Variants in TAB3 observed in about 807,000 individuals in gnomAD.
TAB3 encodes TGF-beta activated kinase 1 (MAP3K7) binding protein 3.
Under a neutral mutation model 48.1 loss-of-function variants are expected in TAB3, and 18 were observed. The ratio of observed to expected loss-of-function variants is 0.37; its 90% CI spans 0.26 to 0.55. The LOEUF (loss-of-function observed/expected upper bound fraction) is 0.55, where lower values mean the gene tolerates loss of function less well. TAB3 is among the 20% of genes least tolerant of loss of function. The pLI, the probability that TAB3 is intolerant of heterozygous loss-of-function variation, is 0.78. For synonymous variants in TAB3, 185 were observed against 190.2 expected (o/e 0.97, Z 0.22); for missense variants, 414 against 549.8 (o/e 0.75, Z 2.47).
intron 1 of TAB3, among the ~76,000 whole-genome samples, chrX:30,885,105 T>A (rs1342318625): frequency 8.9e-6 from 1 of 112,547 alleles, no homozygotes; most frequent in Non-Finnish European, 1.9e-5. Flanking sequence ...ACAAGAGCCA[T>A]CTGATCCACA....
In TAB3 at chrX:30,854,226, G is replaced by A; in HGVS notation, c.1439C>T (p.Pro480Leu). The change falls in exon 6 of 11, where the codon CCA (proline) becomes CTA (leucine). Residue 480 changes from proline to leucine, a missense_variant. By Grantham distance (98) the Pro-to-Leu change is moderately conservative. Transcript: ENST00000288422. Reference protein sequence around the residue: ...LVDQEERSAAPEPIQPISVIP... With the variant: ...LVDQEERSAALEPIQPISVIP... Reference sequence around the variant, plus strand: ...CACTGAAATGGGCTGAATAGGTTCTGGTGCTGCAGAGCGCTCTTCTTGGTC... The same window carrying A: ...CACTGAAATGGGCTGAATAGGTTCTAGTGCTGCAGAGCGCTCTTCTTGGTC... 8.3e-7 allele frequency: 1 copy of A among 1,211,614 alleles called. No individual in the cohort carries two copies. The highest frequency in any genetic ancestry group is 1.1e-6 in the Non-Finnish European group (1 of 895,505).
chrX:30,852,648 T>TA (rs1160587942), intron 7 of TAB3, 130 bp downstream of exon 7: 17 of 723,024 alleles, frequency 2.4e-5, no homozygotes, highest in Middle Eastern at 9.8e-4. Context: ...CTGTTGTTTT[T>TA]AAAAAAAGCA....
chrX:30,866,829 G>A (rs1421731746), intron 4 of TAB3, among the ~76,000 whole-genome samples: 1 of 101,429 alleles, frequency 9.9e-6, no homozygotes, highest in East Asian at 3.1e-4. Context: ...AATGCACATG[G>A]TGACTGCTTT....
intron 9 of TAB3, among the ~76,000 whole-genome samples, chrX:30,841,164 T>TA (rs1938425631): frequency 1.8e-5 from 2 of 112,207 alleles, no homozygotes; most frequent in Admixed American, 1.9e-4. Context: ...GTGCGGTAGC[T>TA]CATGCCTGTA....
At chrX:30,846,061 G>A (rs1380343352) in intron 8 of TAB3, 1 of 1,001,856 alleles carries the variant, frequency 1.0e-6, no homozygotes, top group Non-Finnish European at 1.3e-6. Context: ...AGCTTCTGCT[G>A]TAGTATACTT....
At position 30,829,695 on chromosome X, in the gene TAB3, T is replaced by G. The variant is rs928859248; in HGVS notation, c.*1732A>C. Reference sequence around the variant, plus strand: ...TATATTTTGGGGAGTTTTTCACATATGAAAAAATGTTTTCAAAGCTGTAGG... The same window carrying G: ...TATATTTTGGGGAGTTTTTCACATAGGAAAAAATGTTTTCAAAGCTGTAGG... On this transcript the variant is annotated 3_prime_UTR_variant, in exon 11 of 11. Coordinates refer to ENST00000288422, the MANE Select transcript of TAB3 (RefSeq NM_152787.5). 1 of 111,351 alleles carries G rather than the reference T, an allele frequency of 9.0e-6. No individual in the cohort carries two copies. The highest frequency in any genetic ancestry group is 1.9e-5 in the Non-Finnish European group (1 of 53,043). 9.2% of individuals were successfully genotyped at this position (111,351 alleles called of 1,213,427 possible).
chrX:30,831,196 G>A lies in TAB3; in HGVS notation c.*231C>T. On this transcript the variant is annotated 3_prime_UTR_variant, in exon 11 of 11. Transcript: ENST00000288422. ...CTTTCACAGAGTGAATCCTTTCCCA[G>A]TTTCAAGTATCCCTTTCTATCTCTC... 1 of 324,153 alleles carries A rather than the reference G, an allele frequency of 3.1e-6. No individual in the cohort carries two copies. Among genetic ancestry groups the A allele is most frequent in the Non-Finnish European group, 5.3e-6 (1 of 187,538 alleles). The allele number at this position is 324,153 out of a possible 1,213,427, so 26.7% of individuals were successfully genotyped here. A position where few individuals can be genotyped will look rare whatever the true frequency, so the allele number is the denominator to read the frequency against.
At chrX:30,846,960 T>C (rs1008855204) in intron 7 of TAB3, among the ~76,000 whole-genome samples, 2 of 111,514 alleles carry the variant, frequency 1.8e-5, no homozygotes, top group East Asian at 5.6e-4. Flanking sequence ...GTCTATGTTT[T>C]CATGGTAAGG....
At chrX:30,871,893 G>C (rs1309053297) in intron 1 of TAB3, 92 bp from the exon 2 acceptor site, 2 of 111,978 alleles carry the variant, frequency 1.8e-5, no homozygotes, top group Admixed American at 1.9e-4. Context: ...TGAATAAAAG[G>C]TCATGAAAAA....
intron 2 of TAB3, among the ~76,000 whole-genome samples, chrX:30,871,430 A>G (rs1023799091): frequency 1.3e-4 from 15 of 111,518 alleles, no homozygotes; most frequent in African/African-American, 4.6e-4. Context: ...TTACCCTTCT[A>G]TTTTCTGGTG....
rs535079306 is a variant in TAB3 at position 30,849,148 on chromosome X, C to T, written c.1711-2504G>A. On this transcript the variant is annotated intron_variant, in intron 7 of 10. Transcript: ENST00000288422. ...TCTGATTTACTGCCTTATATTTTCTCTCTCACACAAATACATATAGACTCA... is the reference window on the plus strand; with the variant it reads ...TCTGATTTACTGCCTTATATTTTCTTTCTCACACAAATACATATAGACTCA... Among the ~76,000 whole-genome samples the T allele has an allele frequency of 1.2e-4, 14 of 112,036 alleles. No individual in the cohort carries two copies. In the South Asian group the frequency reaches 4.1e-3, roughly 33 times the overall value.
In TAB3 at chrX:30,843,038, G is replaced by A; in HGVS notation, c.1816C>T (p.Pro606Ser). 1 of 1,149,236 alleles carries A rather than the reference G, an allele frequency of 8.7e-7. No individual in the cohort carries two copies. Among genetic ancestry groups the A allele is most frequent in the East Asian group, 3.1e-5 (1 of 32,511 alleles). The allele number at this position is 1,149,236 out of a possible 1,213,427, so 94.7% of individuals were successfully genotyped here. ...DLLQSRGNFD[P>S]KAMNNFYDNI... The stretch of plus-strand genomic sequence containing the variant: ...TCATAAAAATTATTCATGGCTTTTG[G>A]ATCAAAGTTTCCTATAAAGAAAGTA... Residue 606 changes from proline to serine, a missense_variant, in exon 9 of 11, where the codon CCA becomes TCA. By Grantham distance (74) the Pro-to-Ser change is moderately conservative. Transcript: ENST00000288422.
chrX:30,846,151 T>C lies in TAB3; in HGVS notation c.1804+400A>G, dbSNP rs896359741. On this transcript the variant is annotated intron_variant, in intron 8 of 10. Transcript: ENST00000288422. ...AACATAACATGAAAAATAACATATA[T>C]AGAGTTTATTTTAAAACTGAGAAAT... The C allele has an allele frequency of 4.1e-5, 31 of 747,521 alleles. No homozygotes were observed. In the African/African-American group the frequency reaches 6.1e-4, roughly 15 times the overall value. The allele number at this position is 747,521 out of a possible 1,213,427, so 61.6% of individuals were successfully genotyped here.
intron 1 of TAB3, among the ~76,000 whole-genome samples, chrX:30,881,751 G>A (rs190803538): frequency 2.7e-5 from 3 of 111,637 alleles, no homozygotes; most frequent in Non-Finnish European, 3.8e-5. Flanking sequence ...TGAAGAAACC[G>A]AGGTCTTTTG....
At chrX:30,846,481 G>C in intron 8 of TAB3, 70 bp downstream of exon 8, 4 of 793,217 alleles carry the variant, frequency 5.0e-6, no homozygotes, top group Non-Finnish European at 7.2e-6. Flanking sequence ...CAAAACCAAA[G>C]TTATTGCTAT....
rs1260330927 is a variant in TAB3, at chrX:30,852,684, G to T, written c.1710+94C>A. 1.4e-5 allele frequency: 13 copies of T among 935,026 alleles called. No individual in the cohort carries two copies. The East Asian group carries it at 3.2e-4, about 23-fold the overall frequency. The allele number at this position is 935,026 out of a possible 1,213,427, so 77.1% of individuals were successfully genotyped here. ...ACAATAACAACAACAACAAAAAACCGGAACTCTGCCAGGAATAAAGCCTAA... is the reference window on the plus strand; with the variant it reads ...ACAATAACAACAACAACAAAAAACCTGAACTCTGCCAGGAATAAAGCCTAA... On this transcript the variant is annotated intron_variant, in intron 7 of 10. Coordinates refer to ENST00000288422, the MANE Select transcript of TAB3 (RefSeq NM_152787.5).
chrX:30,880,992 C>T (rs146126438), intron 1 of TAB3, among the ~76,000 whole-genome samples: 2,040 of 111,377 alleles, frequency 0.018, 37 homozygotes, highest in African/African-American at 0.055. Flanking sequence ...CTGAGATCTA[C>T]GTACATATCC....
intron 7 of TAB3, among the ~76,000 whole-genome samples, chrX:30,848,798 A>C (rs1278758203): frequency 9.0e-6 from 1 of 111,488 alleles, no homozygotes; most frequent in Non-Finnish European, 1.9e-5. Context: ...AAAAATGGTA[A>C]GCTTTTTTTC....
At chrX:30,850,549 A>G (rs1291756662) in intron 7 of TAB3, among the ~76,000 whole-genome samples, 1 of 109,157 alleles carries the variant, frequency 9.2e-6, no homozygotes, top group Non-Finnish European at 1.9e-5. Context: ...CGTCTCTACT[A>G]AAGATACAAA....
Sources: gnomAD v4.1 joint callset for allele counts (sites outside exome capture counted in the v4.1 genomes callset) on GRCh38, gnomAD v4.1.1 for gene constraint, MANE v1.5 for transcripts, NCBI Gene and HGNC (gene_info 2026-07-23, HGNC 2026-07-21) for gene names.